The following ZNF14 variants were observed in gnomAD, a reference collection of about 807,000 sequenced individuals.
ZNF14 encodes the protein zinc finger protein 14.
Under a neutral mutation model 11.3 loss-of-function variants are expected in ZNF14, and 9 were observed. The observed-to-expected ratio is 0.80, with a 90% CI of 0.48 to 1.39. ZNF14 has a LOEUF of 1.39. Ranked by LOEUF, ZNF14 falls within the 40% of genes most tolerant of loss-of-function variation. The probability of loss-of-function intolerance (pLI) is 0.00; values close to 1 mark genes in which losing one functional copy is unlikely to be tolerated. For synonymous variants in ZNF14, 239 were observed against 245.7 expected, an observed-to-expected ratio of 0.97 and a Z score of 0.25; for missense variants, 711 against 763.9, an observed-to-expected ratio of 0.93 and a Z score of 0.82.
intron 1 of ZNF14, among the ~76,000 whole-genome samples, chr19:19,722,230 A>G (rs975118996): frequency 1.6e-4 from 25 of 152,160 alleles, no homozygotes; most frequent in Admixed American, 1.3e-3. Flanking sequence ...ATGGAGACTT[A>G]GTTTCTCCAA....
Position 19,732,936 on chromosome 19 carries a change from C to T in ZNF14, c.3+20G>A, listed in dbSNP as rs767718223. On this transcript the variant is annotated intron_variant, in intron 1 of 3. Coordinates refer to ENST00000344099, the MANE Select transcript of ZNF14 (RefSeq NM_021030.3). The stretch of plus-strand genomic sequence containing the variant: ...TTCCAACCAGAAACCTCCCCTCGGA[C>T]ACTGGCCCCGCACACTCACCATTTC... 1.2e-6 allele frequency: 2 copies of T among 1,613,440 alleles called. No homozygotes were observed. The highest frequency in any genetic ancestry group is 1.7e-6 in the Non-Finnish European group (2 of 1,179,530).
chr19:19,711,271 C>A lies in ZNF14; in HGVS notation c.*81G>T. On this transcript the variant is annotated 3_prime_UTR_variant, in exon 4 of 4. Coordinates refer to ENST00000344099, the MANE Select transcript of ZNF14 (RefSeq NM_021030.3). ...CTTTAGAACAATGTTTGTATTCACA[C>A]AGCTTCTGTCCAGTATGAACTCTTT... 2.1e-6 allele frequency: 3 copies of A among 1,446,608 alleles called. No homozygotes were observed. The highest frequency in any genetic ancestry group is 2.8e-6 in the Non-Finnish European group (3 of 1,081,466). The allele number at this position is 1,446,608 out of a possible 1,614,324, so 89.6% of individuals were successfully genotyped here. A position where few individuals can be genotyped will look rare whatever the true frequency, so the allele number is the denominator to read the frequency against.
chr19:19,731,728 A>T (rs192824569), intron 1 of ZNF14, among the ~76,000 whole-genome samples: 3 of 152,286 alleles, frequency 2.0e-5, no homozygotes, highest in Non-Finnish European at 2.9e-5. Flanking sequence ...ATCAGAATGT[A>T]TCAAAGTGGT....
chr19:19,728,009 G>A (rs1010642408), intron 1 of ZNF14, among the ~76,000 whole-genome samples: 3 of 132,116 alleles, frequency 2.3e-5, no homozygotes, highest in Non-Finnish European at 5.0e-5. Flanking sequence ...CCAGCCACTC[G>A]GGAGGCTGAG....
intron 1 of ZNF14, among the ~76,000 whole-genome samples, chr19:19,730,241 G>A (rs952602233): frequency 4.6e-5 from 7 of 151,894 alleles, no homozygotes; most frequent in African/African-American, 1.7e-4. Flanking sequence ...TGGTCAGGGT[G>A]GTCTTGAACT....
Position 19,720,675 on chromosome 19 carries a change from C to A in ZNF14, c.4-6188G>T, listed in dbSNP as rs1468865295. ...TGGGCAGCTCAATTTTCTAAGAGCT[C>A]CTAAAATAATTGGAAGCCCCTAAAA... On this transcript the variant is annotated intron_variant, in intron 1 of 3. Coordinates refer to ENST00000344099, the MANE Select transcript of ZNF14 (RefSeq NM_021030.3). This position sits in a 1 kb window ranked among gnomAD's most constrained non-coding sequence, Gnocchi z 4.1. Among the ~76,000 whole-genome samples the A allele has an allele frequency of 1.3e-5, 2 of 151,974 alleles. No individual in the cohort carries two copies.
rs200539614 is a variant in ZNF14, at chr19:19,712,245, A to C, written c.1036T>G (p.Ser346Ala). The C allele has an allele frequency of 1.2e-6, 2 of 1,613,864 alleles. No homozygotes were observed. The highest frequency in any genetic ancestry group is 3.3e-5 in the Admixed American group (2 of 59,950). Residue 346 changes from serine to alanine, a missense_variant, in exon 4 of 4, where the codon TCT becomes GCT. Coordinates refer to ENST00000344099, the MANE Select transcript of ZNF14 (RefSeq NM_021030.3). ...KCKECGKAFN[S>A]SNSCRVHERT... ...TCATGCACTCGACAGGAATTAGAAG[A>C]GTTGAAGGCTTTCCCACATTCTTTA...
chr19:19,710,509 ATACT>A lies in ZNF14; in HGVS notation c.*839_*842del, dbSNP rs746136390. On this transcript the variant is annotated 3_prime_UTR_variant, in exon 4 of 4. Transcript: ENST00000344099. ...ATTTTATTACTGGGCTGTTTACATGATACTTTCTTTCTTATTAAATATAACCTGA... is the reference window on the plus strand; with the variant it reads ...ATTTTATTACTGGGCTGTTTACATGATTCTTTCTTATTAAATATAACCTGA... The A allele has an allele frequency of 2.6e-5, 4 of 152,206 alleles. No individual in the cohort carries two copies. Among genetic ancestry groups the A allele is most frequent in the Non-Finnish European group, 5.9e-5 (4 of 68,046 alleles). 9.4% of individuals were successfully genotyped at this position (152,206 alleles called of 1,614,324 possible).
At chr19:19,713,748 C>CTTTTTTT (rs71172526) in intron 3 of ZNF14, among the ~76,000 whole-genome samples, 2,138 of 120,072 alleles carry the variant, frequency 0.018, 50 homozygotes, top group Non-Finnish European at 0.029. Flanking sequence ...TGTGCCAGGC[C>CTTTTTTT]TTTTTTTTTT....
At position 19,711,809 on chromosome 19, in the gene ZNF14, C is replaced by T. The variant is rs564111521; in HGVS notation, c.1472G>A (p.Arg491Gln). 2.0e-5 allele frequency: 32 copies of T among 1,613,406 alleles called. No individual in the cohort carries two copies. Among genetic ancestry groups the T allele is most frequent in the African/African-American group, 8.0e-5 (6 of 74,930 alleles). Residue 491 changes from arginine to glutamine, a missense_variant, in exon 4 of 4, where the codon CGA becomes CAA. Physicochemically the swap from Arg to Gln is conservative, Grantham distance 43. Transcript: ENST00000344099. ...TCCAGTGTGTGTTCTTTCATGCAGT[C>T]GAAAGGAACTGGAACGAATGAAAAC... ...GKVFIRSSSFRLHERTHTGEK... is the reference protein window; with the variant it reads ...GKVFIRSSSFQLHERTHTGEK...
intron 1 of ZNF14, among the ~76,000 whole-genome samples, chr19:19,726,188 T>A (rs1181738301): frequency 7.4e-6 from 1 of 134,868 alleles, no homozygotes; most frequent in Admixed American, 7.3e-5. Flanking sequence ...TTTCAGCTTT[T>A]CTGCTCTGGT....
At chr19:19,716,079 C>T (rs2062377062) in intron 1 of ZNF14, among the ~76,000 whole-genome samples, 1 of 152,010 alleles carries the variant, frequency 6.6e-6, no homozygotes, top group South Asian at 2.1e-4. Context: ...TACGCGTTTA[C>T]TTGAGACTTT....
chr19:19,711,901 A>T lies in ZNF14; in HGVS notation c.1380T>A (p.Ser460Arg). The T allele has an allele frequency of 1.9e-6, 3 of 1,613,956 alleles. No individual in the cohort carries two copies. The highest frequency in any genetic ancestry group is 2.5e-6 in the Non-Finnish European group (3 of 1,179,896). Residue 460 changes from serine to arginine, a missense_variant, in exon 4 of 4, where the codon AGT (serine) becomes AGA (arginine). Ser to Arg is a moderately radical substitution (Grantham distance 110, BLOSUM62 -1). Coordinates refer to ENST00000344099, the MANE Select transcript of ZNF14 (RefSeq NM_021030.3). ...KQCGKAFRCS[S>R]YFRIHERSHT... ...GTGACCTTTCATGAATTCGAAAATA[A>T]CTTGAACACCTGAAGGCTTTCCCAC...
At chr19:19,718,308 A>T (rs781601435) in intron 1 of ZNF14, among the ~76,000 whole-genome samples, 3 of 152,204 alleles carry the variant, frequency 2.0e-5, no homozygotes, top group Non-Finnish European at 4.4e-5. Context: ...TAGAAATTCT[A>T]ACAAAGAATC....
intron 1 of ZNF14, among the ~76,000 whole-genome samples, chr19:19,728,515 C>CAAAAAAAAAA (rs56355771): frequency 1.9e-5 from 1 of 53,924 alleles, no homozygotes. Context: ...AACTCCGTCT[C>CAAAAAAAAAA]AAAAAAAAAA....
At position 19,733,019 on chromosome 19, in the gene ZNF14, C is replaced by T. The variant is rs1441842937; in HGVS notation, c.-61G>A. On this transcript the variant is annotated 5_prime_UTR_variant, in exon 1 of 4. It adds an upstream start codon to the 5' untranslated region. Transcript: ENST00000344099. ...CGGATCTGTCAGTACCTGCAGGTCA[C>T]GGCGCGACAAAGGATGCGCTAGAGC... The T allele has an allele frequency of 3.8e-6, 6 of 1,599,370 alleles. No homozygotes were observed. The highest frequency in any genetic ancestry group is 2.7e-5 in the African/African-American group (2 of 74,422).
intron 1 of ZNF14, among the ~76,000 whole-genome samples, chr19:19,721,844 T>C (rs538565762): frequency 1.3e-3 from 198 of 151,276 alleles, no homozygotes; most frequent in African/African-American, 4.5e-3. Context: ...CCACCTGTAA[T>C]CCCACCTACT....
At chr19:19,713,650 TG>T (rs1162494690) in intron 3 of ZNF14, among the ~76,000 whole-genome samples, 1 of 151,940 alleles carries the variant, frequency 6.6e-6, no homozygotes, top group African/African-American at 2.4e-5. Context: ...GGTTTTGCCA[TG>T]TTGGCCAGGC....
Position 19,712,081 on chromosome 19 carries a change from G to T in ZNF14, c.1200C>A (p.Phe400Leu). The T allele has an allele frequency of 1.2e-6, 2 of 1,613,590 alleles. No homozygotes were observed. Among genetic ancestry groups the T allele is most frequent in the Non-Finnish European group, 1.7e-6 (2 of 1,179,884 alleles). Residue 400 changes from phenylalanine (F) to leucine (L), a missense_variant, in exon 4 of 4, where the codon TTC (phenylalanine) becomes TTA (leucine). By Grantham distance (22) the Phe-to-Leu change is conservative (BLOSUM62 0). Transcript: ENST00000344099. ...PYECKQCHKT[F>L]SFSSSLREHE... ...GTTCTCGAAGGGAACTTGAAAAACT[G>T]AAGGTTTTATGACACTGTTTACACT...
Sources: gnomAD v4.1 joint callset for allele counts (sites outside exome capture counted in the v4.1 genomes callset) on GRCh38, gnomAD v4.1.1 for gene constraint, Gnocchi (gnomAD v3.1) non-coding constraint, MANE v1.5 for transcripts, NCBI Gene and HGNC (gene_info 2026-07-23, HGNC 2026-07-21) for gene names.